Variants in CDK17 observed in about 807,000 individuals in gnomAD.
CDK17 encodes the protein cyclin dependent kinase 17, also known as cyclin-dependent kinase 17.
Under a neutral mutation model 77.6 loss-of-function variants are expected in CDK17, and 24 were observed. The observed-to-expected ratio is 0.31, with a 90% CI of 0.22 to 0.44. CDK17 has a LOEUF of 0.44. Ranked by LOEUF, CDK17 falls within the 20% of genes least tolerant of loss-of-function variation. The pLI, the probability that CDK17 is intolerant of heterozygous loss-of-function variation, is 1.00. For synonymous variants in CDK17, 203 were observed against 210.4 expected (o/e 0.96, Z 0.30); for missense variants, 429 against 622.5 (o/e 0.69, Z 3.31).
chr12:96,390,708 C>CAAAAA (rs71097285), intron 1 of CDK17, among the ~76,000 whole-genome samples: 3 of 43,508 alleles, frequency 6.9e-5, no homozygotes, highest in Non-Finnish European at 8.6e-5. Context: ...GACTCCATCT[C>CAAAAA]AAAAAAAAAA....
intron 1 of CDK17, chr12:96,387,264 C>T: frequency 4.9e-6 from 1 of 204,724 alleles, no homozygotes; most frequent in Admixed American, 5.0e-5. Context: ...GACCAACCCA[C>T]TAGAAGTATG....
intron 14 of CDK17, 22 bp downstream of exon 14, chr12:96,283,581 A>G (rs1164990366): frequency 1.3e-6 from 2 of 1,495,322 alleles, no homozygotes; most frequent in African/African-American, 1.4e-5. Flanking sequence ...CTATTTAACA[A>G]TTACTGTAAG....
chr12:96,349,070 T>C (rs553312675), intron 1 of CDK17, among the ~76,000 whole-genome samples: 3 of 152,330 alleles, frequency 2.0e-5, no homozygotes, highest in Non-Finnish European at 4.4e-5. Context: ...ACAAATTGAA[T>C]TCGGCAGCTT....
At chr12:96,396,747 A>G (rs772121314) in intron 1 of CDK17, among the ~76,000 whole-genome samples, 2 of 152,200 alleles carry the variant, frequency 1.3e-5, no homozygotes, top group Non-Finnish European at 2.9e-5. Context: ...GTAATTATCC[A>G]TCCTGAAAGT....
intron 1 of CDK17, among the ~76,000 whole-genome samples, chr12:96,395,872 C>T (rs1182188103): frequency 6.6e-6 from 1 of 152,212 alleles, no homozygotes; most frequent in Non-Finnish European, 1.5e-5. Flanking sequence ...GAGAAGACAG[C>T]TGAGAGGGCA....
intron 3 of CDK17, among the ~76,000 whole-genome samples, chr12:96,322,623 T>A (rs1018374005): frequency 2.6e-5 from 4 of 151,976 alleles, no homozygotes; most frequent in African/African-American, 9.7e-5. Context: ...ACTGAACATA[T>A]GGTTGGGAAG....
At chr12:96,293,531 C>A (rs1342083476) in intron 10 of CDK17, among the ~76,000 whole-genome samples, 1 of 152,146 alleles carries the variant, frequency 6.6e-6, no homozygotes, top group Non-Finnish European at 1.5e-5. Context: ...TTTTAATAGC[C>A]TTTTCTGATA....
intron 2 of CDK17, among the ~76,000 whole-genome samples, chr12:96,324,410 T>C (rs1474452737): frequency 1.3e-5 from 2 of 152,230 alleles, no homozygotes; most frequent in East Asian, 3.8e-4. Context: ...TTTGTTTATT[T>C]TAGTGTATCT....
At chr12:96,345,668 C>G (rs2137161646) in intron 1 of CDK17, among the ~76,000 whole-genome samples, 1 of 152,162 alleles carries the variant, frequency 6.6e-6, no homozygotes, top group African/African-American at 2.4e-5. Flanking sequence ...CAGAGATATA[C>G]AGGAGCAGAC....
At chr12:96,362,347 T>G (rs1953505446) in intron 1 of CDK17, among the ~76,000 whole-genome samples, 1 of 151,970 alleles carries the variant, frequency 6.6e-6, no homozygotes, top group African/African-American at 2.4e-5. Context: ...GCCTCCTGAG[T>G]AGCTGGTATT....
chr12:96,287,197 G>A (rs1306045482), intron 11 of CDK17, among the ~76,000 whole-genome samples: 1 of 152,176 alleles, frequency 6.6e-6, no homozygotes, highest in Non-Finnish European at 1.5e-5. Context: ...AGTGAAGCTA[G>A]GCAGGAGAAA....
At chr12:96,323,268 TAAAAAAAA>T (rs67003722) in intron 3 of CDK17, among the ~76,000 whole-genome samples, 1 of 96,814 alleles carries the variant, frequency 1.0e-5, no homozygotes, top group Admixed American at 1.1e-4. Flanking sequence ...CCCCGTCTTC[TAAAAAAAA>T]AAAAAAAACA....
intron 3 of CDK17, among the ~76,000 whole-genome samples, chr12:96,315,403 T>C (rs919658330): frequency 2.0e-5 from 3 of 152,212 alleles, no homozygotes; most frequent in African/African-American, 7.2e-5. Flanking sequence ...AATCTAAGAA[T>C]ACACTTCAGT....
chr12:96,376,032 T>C (rs1953776697), intron 1 of CDK17, among the ~76,000 whole-genome samples: 1 of 152,202 alleles, frequency 6.6e-6, no homozygotes, highest in South Asian at 2.1e-4. Context: ...TGGTTCTAAA[T>C]GGACACTGAG....
intron 1 of CDK17, among the ~76,000 whole-genome samples, chr12:96,367,171 C>T (rs898289098): frequency 1.3e-5 from 2 of 151,478 alleles, no homozygotes; most frequent in Admixed American, 6.6e-5. Flanking sequence ...GGTGAAACCT[C>T]GTCTGTACTA....
At chr12:96,371,665 G>C (rs1423296622) in intron 1 of CDK17, among the ~76,000 whole-genome samples, 1 of 152,050 alleles carries the variant, frequency 6.6e-6, no homozygotes, top group African/African-American at 2.4e-5. Context: ...CCAGGGGGCG[G>C]AGACTGTGGT....
At chr12:96,314,351 GTGTTT>G (rs530648042) in intron 3 of CDK17, among the ~76,000 whole-genome samples, 2 of 151,612 alleles carry the variant, frequency 1.3e-5, no homozygotes, top group Admixed American at 6.6e-5. Context: ...ATCACATCTG[GTGTTT>G]TGTTTTGTTT....
At chr12:96,392,032 C>T (rs768095122) in intron 1 of CDK17, among the ~76,000 whole-genome samples, 1 of 151,832 alleles carries the variant, frequency 6.6e-6, no homozygotes, top group Non-Finnish European at 1.5e-5. Context: ...TATGATAATA[C>T]GGGAAGAAAT....
intron 1 of CDK17, among the ~76,000 whole-genome samples, chr12:96,338,185 C>G (rs1413123363): frequency 1.3e-5 from 2 of 152,190 alleles, no homozygotes; most frequent in Non-Finnish European, 2.9e-5. Flanking sequence ...TCTTGCACAA[C>G]AAGACTCAGG....
Sources: gnomAD v4.1 joint callset for allele counts (sites outside exome capture counted in the v4.1 genomes callset) on GRCh38, gnomAD v4.1.1 for gene constraint, MANE v1.5 for transcripts, NCBI Gene and HGNC (gene_info 2026-07-23, HGNC 2026-07-21) for gene names.